Variants in GNG4 observed in about 807,000 individuals in gnomAD.
GNG4 encodes the protein guanine nucleotide-binding protein G(I)/G(S)/G(O) subunit gamma-4.
Under a neutral mutation model 5.8 loss-of-function variants are expected in GNG4, and 4 were observed. The ratio of observed to expected loss-of-function variants is 0.69; its 90% CI spans 0.34 to 1.57. The LOEUF (loss-of-function observed/expected upper bound fraction) is 1.57, where lower values mean the gene tolerates loss of function less well. GNG4 is among the 40% of genes most tolerant of loss of function. The pLI, the probability that GNG4 is intolerant of heterozygous loss-of-function variation, is 0.06. For synonymous variants in GNG4, 29 were observed against 32.9 expected, an observed-to-expected ratio of 0.88 and a Z score of 0.41; for missense variants, 96 against 95.1, an observed-to-expected ratio of 1.01 and a Z score of -0.04.
In GNG4 at chr1:235,570,423, G is replaced by GT. The variant is rs1430931914; in HGVS notation, c.99+13316dup. Among the ~76,000 whole-genome samples, 4 of 132,690 alleles carry GT rather than the reference G, an allele frequency of 3.0e-5. No individual in the cohort carries two copies. The Admixed American group carries it at 3.3e-4, about 11-fold the overall frequency. 87.0% of individuals were successfully genotyped at this position (132,690 alleles called of 152,430 possible). A position where few individuals can be genotyped will look rare whatever the true frequency, so the allele number is the denominator to read the frequency against. On this transcript the variant is annotated intron_variant, in intron 3 of 3. Coordinates refer to ENST00000391854, the MANE Select transcript of GNG4 (RefSeq NM_001098722.2). ...TTTTTTTTTTTTTTTTTGAGACGGAGTTTCACTCCGTCACTCAGGCTAGAG... is the reference window on the plus strand; with the variant it reads ...TTTTTTTTTTTTTTTTTGAGACGGAGTTTTCACTCCGTCACTCAGGCTAGAG...
intron 1 of GNG4, among the ~76,000 whole-genome samples, chr1:235,627,724 G>A (rs1208025516): frequency 6.6e-6 from 1 of 152,178 alleles, no homozygotes; most frequent in African/African-American, 2.4e-5. Context: ...GAAACTGGAA[G>A]GCTTCCGGGT....
chr1:235,593,372 G>A (rs955108817), intron 2 of GNG4, among the ~76,000 whole-genome samples: 2 of 152,198 alleles, frequency 1.3e-5, no homozygotes, highest in African/African-American at 2.4e-5. Context: ...CTGACTCACG[G>A]CACAGTACTT....
chr1:235,592,876 C>T (rs553436305), intron 2 of GNG4, among the ~76,000 whole-genome samples: 2 of 152,214 alleles, frequency 1.3e-5, no homozygotes, highest in Admixed American at 6.5e-5. Context: ...TCCTTTCTTC[C>T]ACTGCAACAC....
Position 235,628,179 on chromosome 1 carries a change from TCAA to T in GNG4, c.-123+21480_-123+21482del, listed in dbSNP as rs1042111537. ...TGGGCAACAAGAGCGAAACTCTGTC[TCAA>T]CAACAACAACAAAGACAACAACAAC... On this transcript the variant is annotated intron_variant, in intron 1 of 3. Coordinates refer to ENST00000391854, the MANE Select transcript of GNG4 (RefSeq NM_001098722.2). Among the ~76,000 whole-genome samples, 8 of 151,968 alleles carry T rather than the reference TCAA, an allele frequency of 5.3e-5. No individual in the cohort carries two copies. In the South Asian group the frequency reaches 6.2e-4, roughly 12 times the overall value.
chr1:235,649,356 T>C lies in GNG4; in HGVS notation c.-123+306A>G, dbSNP rs1657598610. The stretch of plus-strand genomic sequence containing the variant: ...AAGAGGGGACCCCCGAGCCCCCGCC[T>C]GCCTCATGCCGGAGGGACCGGGCGC... On this transcript the variant is annotated intron_variant, in intron 1 of 3. Transcript: ENST00000391854. The surrounding 1 kb of genome is among the most constrained non-coding windows in gnomAD (Gnocchi z 5.7). Among the ~76,000 whole-genome samples, 2 of 151,994 alleles carry C rather than the reference T, an allele frequency of 1.3e-5. No individual in the cohort carries two copies. The highest frequency in any genetic ancestry group is 2.9e-5 in the Non-Finnish European group (2 of 67,966).
intron 1 of GNG4, among the ~76,000 whole-genome samples, chr1:235,621,174 G>C (rs577387776): frequency 1.4e-5 from 2 of 146,082 alleles, no homozygotes; most frequent in South Asian, 4.3e-4. Flanking sequence ...TCTGGTCTTA[G>C]TAAGCCCTCT....
intron 1 of GNG4, among the ~76,000 whole-genome samples, chr1:235,628,156 G>C (rs572784397): frequency 1.7e-3 from 252 of 152,160 alleles, no homozygotes; most frequent in African/African-American, 5.8e-3. Context: ...CTCCAGCCTG[G>C]GCAACAAGAG....
intron 2 of GNG4, among the ~76,000 whole-genome samples, chr1:235,588,415 C>T (rs1261117555): frequency 1.3e-5 from 2 of 152,122 alleles, no homozygotes; most frequent in Non-Finnish European, 2.9e-5. Flanking sequence ...CCCTTCTCTG[C>T]TGCTTCCTCC....
intron 1 of GNG4, among the ~76,000 whole-genome samples, chr1:235,609,998 T>G (rs1688446307): frequency 6.6e-6 from 1 of 152,170 alleles, no homozygotes; most frequent in Admixed American, 6.5e-5. Context: ...CCATCAAAGT[T>G]AGGAAACTAT....
intron 3 of GNG4, among the ~76,000 whole-genome samples, chr1:235,559,409 G>T (rs990395237): frequency 6.6e-6 from 1 of 152,100 alleles, no homozygotes; most frequent in Non-Finnish European, 1.5e-5. Flanking sequence ...AGAAAGCACT[G>T]CAGGGTGAAC....
intron 1 of GNG4, among the ~76,000 whole-genome samples, chr1:235,636,583 G>A (rs1427854461): frequency 6.6e-6 from 1 of 152,174 alleles, no homozygotes; most frequent in African/African-American, 2.4e-5. Flanking sequence ...AGAGACCTGC[G>A]TATCTCCATG....
At chr1:235,578,926 G>A (rs1423827660) in intron 3 of GNG4, among the ~76,000 whole-genome samples, 6 of 152,016 alleles carry the variant, frequency 3.9e-5, no homozygotes, top group African/African-American at 1.2e-4. Flanking sequence ...GGCGAACCCC[G>A]TCTCTACTAA....
intron 3 of GNG4, among the ~76,000 whole-genome samples, chr1:235,580,495 T>C (rs1687601719): frequency 6.6e-6 from 1 of 152,206 alleles, no homozygotes; most frequent in Admixed American, 6.5e-5. Context: ...AAACCACCCA[T>C]GTGTGCTCAC....
At chr1:235,594,616 C>T (rs1034520761) in intron 2 of GNG4, among the ~76,000 whole-genome samples, 3 of 152,222 alleles carry the variant, frequency 2.0e-5, no homozygotes, top group Non-Finnish European at 2.9e-5. Flanking sequence ...TTGAGCACAG[C>T]AGCTGCTGGC....
chr1:235,583,132 G>A (rs1294942320), intron 3 of GNG4, among the ~76,000 whole-genome samples: 2 of 152,154 alleles, frequency 1.3e-5, no homozygotes, highest in Non-Finnish European at 2.9e-5. Context: ...GTCAACGAGC[G>A]TCATGCTCAC....
intron 3 of GNG4, among the ~76,000 whole-genome samples, chr1:235,579,625 C>A (rs565310794): frequency 2.0e-5 from 3 of 151,906 alleles, no homozygotes; most frequent in African/African-American, 7.2e-5. Context: ...CCGAGACAGG[C>A]AGATTACCTG....
chr1:235,641,305 A>G (rs61834632), intron 1 of GNG4, among the ~76,000 whole-genome samples: 33,055 of 152,096 alleles, frequency 0.22, 3,681 homozygotes, highest in South Asian at 0.32. Flanking sequence ...TGGAAGGCTC[A>G]CTTGAACTGG....
intron 3 of GNG4, among the ~76,000 whole-genome samples, chr1:235,580,692 T>G (rs2841873): frequency 0.75 from 111,818 of 150,082 alleles, 42,984 homozygotes; most frequent in African/African-American, 0.93. Context: ...GGAATCTTGC[T>G]TTCACGTTTC....
chr1:235,616,842 G>A (rs975254397), intron 1 of GNG4, among the ~76,000 whole-genome samples: 2 of 151,426 alleles, frequency 1.3e-5, no homozygotes, highest in Admixed American at 1.3e-4. Flanking sequence ...AGGTTCAAGC[G>A]ATTCTCCTGC....
Sources: gnomAD v4.1 joint callset for allele counts (sites outside exome capture counted in the v4.1 genomes callset) on GRCh38, gnomAD v4.1.1 for gene constraint, Gnocchi (gnomAD v3.1) non-coding constraint, MANE v1.5 for transcripts, NCBI Gene and HGNC (gene_info 2026-07-23, HGNC 2026-07-21) for gene names.